Variants in DNM1L observed in about 807,000 individuals in gnomAD.
DNM1L encodes the protein dynamin-1-like protein.
A neutral mutation model predicts 92.8 loss-of-function variants in DNM1L; 33 were observed. That is an observed-to-expected ratio of 0.36 (90% CI 0.27 to 0.48). DNM1L has a LOEUF of 0.48. Among genes scored for constraint, DNM1L ranks in the 20% least tolerant of loss-of-function variants. The pLI, the probability that DNM1L is intolerant of heterozygous loss-of-function variation, is 0.99. For synonymous variants in DNM1L, 284 were observed against 305.0 expected, an observed-to-expected ratio of 0.93 and a Z score of 0.72; for missense variants, 485 against 888.8, an observed-to-expected ratio of 0.55 and a Z score of 5.78.
At chr12:32,717,172 AATAT>A (rs1163985304) in intron 6 of DNM1L, among the ~76,000 whole-genome samples, 1 of 121,286 alleles carries the variant, frequency 8.2e-6, no homozygotes, top group Admixed American at 1.1e-4. Flanking sequence ...TATACTATAA[AATAT>A]ATATAGTATA....
rs1009057427 is a variant in DNM1L, at chr12:32,731,590, T to TATAC, written c.1356+79_1356+80insATAC. ...GGTGGTTTCACTGGGTGGAAGGAAA[T>TATAC]GTATAAGATGGGATACAAGGTAAAA... On this transcript the variant is annotated intron_variant, in intron 11 of 19. Transcript: ENST00000549701. This position sits in a 1 kb window ranked among gnomAD's most constrained non-coding sequence, Gnocchi z 5.1. The TATAC allele has an allele frequency of 1.8e-4, 281 of 1,559,598 alleles. No homozygotes were observed. In the African/African-American group the frequency reaches 3.3e-3, roughly 19 times the overall value.
chr12:32,721,338 C>T (rs1953790416), intron 8 of DNM1L, among the ~76,000 whole-genome samples: 1 of 151,848 alleles, frequency 6.6e-6, no homozygotes, highest in Non-Finnish European at 1.5e-5. Flanking sequence ...TATCTTATTC[C>T]CTAAAGACTG....
rs1313999020 is a variant in DNM1L at position 32,740,160 on chromosome 12, T to C, written c.1804T>C (p.Leu602=). 2 of 1,614,160 alleles carry C rather than the reference T, an allele frequency of 1.2e-6. No homozygotes were observed. The highest frequency in any genetic ancestry group is 1.7e-6 in the Non-Finnish European group (2 of 1,180,026). Residue 602 remains leucine, a synonymous_variant, in exon 17 of 20, where the codon TTA becomes CTA. Coordinates refer to ENST00000549701, the MANE Select transcript of DNM1L (RefSeq NM_012062.5). ...MLKTSKAEEL[L]AEEKSKPIPI... ...GAAAACTTCAAAAGCTGAAGAGTTA[T>C]TAGCAGAAGAAAAATCAAAACCCAT...
intron 14 of DNM1L, 97 bp from the exon 15 acceptor site, chr12:32,737,768 G>C (rs547373603): frequency 2.2e-6 from 2 of 907,950 alleles, no homozygotes; most frequent in Admixed American, 3.7e-5. Context: ...GTTATTTTAC[G>C]ATTTCATTAC....
intron 1 of DNM1L, among the ~76,000 whole-genome samples, chr12:32,696,251 C>G (rs866317992): frequency 1.3e-5 from 2 of 152,126 alleles, no homozygotes; most frequent in South Asian, 2.1e-4. Context: ...AAAGGAAAAT[C>G]AGGGCCAGGT....
intron 1 of DNM1L, among the ~76,000 whole-genome samples, chr12:32,699,386 T>C (rs1331869526): frequency 6.6e-6 from 1 of 151,962 alleles, no homozygotes; most frequent in Admixed American, 6.6e-5. Context: ...TATAAACTAA[T>C]AAGAAATATA....
rs191667923 is a variant in DNM1L at position 32,717,703 on chromosome 12, C to T, written c.620-940C>T. Among the ~76,000 whole-genome samples, 213 of 64,584 alleles carry T rather than the reference C, an allele frequency of 3.3e-3. 38 individuals carry two copies. Among genetic ancestry groups the T allele is most frequent in the Middle Eastern group, 0.021 (1 of 48 alleles). 42.4% of individuals were successfully genotyped at this position (64,584 alleles called of 152,430 possible). ...TAGGTAGATATATATATAAAAAATA[C>T]ATATACCTAGGTAGATATATATATA... On this transcript the variant is annotated intron_variant, in intron 6 of 19. Transcript: ENST00000549701.
rs551944368 is a variant in DNM1L at position 32,687,041 on chromosome 12, A to G, written c.102+7576A>G. 6.1e-5 allele frequency among the ~76,000 whole-genome samples: 9 copies of G among 147,426 alleles called. No homozygotes were observed. In the Admixed American group the frequency reaches 6.3e-4, roughly 10 times the overall value. Reference sequence around the variant, plus strand: ...GGTGATCCGCCTGCCTTGGCCTCCCAAAGTGCTGGCATTATAGGCATGAGC... The same window carrying G: ...GGTGATCCGCCTGCCTTGGCCTCCCGAAGTGCTGGCATTATAGGCATGAGC... On this transcript the variant is annotated intron_variant, in intron 1 of 19. Transcript: ENST00000549701.
chr12:32,742,553 T>C, intron 18 of DNM1L, 36 bp from the exon 19 acceptor site: 13 of 1,613,610 alleles, frequency 8.1e-6, no homozygotes, highest in Non-Finnish European at 1.0e-5. Context: ...AAGTAGAATT[T>C]TGGCTAAAAT....
In DNM1L at chr12:32,680,091, TGCGG is replaced by T. The variant is rs1951752130; in HGVS notation, c.102+628_102+631del. On this transcript the variant is annotated intron_variant, in intron 1 of 19. Transcript: ENST00000549701. ...AAAACAAAACGTGTATCTAGAGTTC[TGCGG>T]GTGTTGGGAAGGAATATCCGATTTT... is the stretch of plus-strand genomic sequence containing the variant. 9.4e-6 allele frequency: 8 copies of T among 848,954 alleles called. No homozygotes were observed. The East Asian group carries it at 8.5e-4, about 90-fold the overall frequency. The allele number at this position is 848,954 out of a possible 1,614,324, so 52.6% of individuals were successfully genotyped here. A position where few individuals can be genotyped will look rare whatever the true frequency, so the allele number is the denominator to read the frequency against.
chr12:32,694,809 GA>G (rs1357122892), intron 1 of DNM1L, among the ~76,000 whole-genome samples: 1 of 152,166 alleles, frequency 6.6e-6, no homozygotes, highest in Admixed American at 6.6e-5. Context: ...GGAAGCAGTG[GA>G]ACTTCTGATG....
At chr12:32,710,810 A>G in intron 4 of DNM1L, 119 bp from the exon 5 acceptor site, 2 of 868,926 alleles carry the variant, frequency 2.3e-6, no homozygotes, top group Non-Finnish European at 3.5e-6. Context: ...TGTTAAAAAA[A>G]AGTTTTAGGA....
At chr12:32,720,905 T>C in intron 8 of DNM1L, 110 bp downstream of exon 8, 2 of 1,373,086 alleles carry the variant, frequency 1.5e-6, no homozygotes, top group African/African-American at 1.4e-5. Flanking sequence ...ACAGCTTCAC[T>C]TATGGTTTCT....
chr12:32,724,502 G>A (rs1953972277), intron 9 of DNM1L, among the ~76,000 whole-genome samples: 1 of 148,508 alleles, frequency 6.7e-6, no homozygotes, highest in African/African-American at 2.5e-5. Context: ...CTTGAACCCA[G>A]GTGGTGGAGG....
intron 1 of DNM1L, chr12:32,692,835 C>G (rs999441129): frequency 6.6e-6 from 1 of 152,206 alleles, no homozygotes; most frequent in African/African-American, 2.4e-5. Flanking sequence ...CACAAAGTAG[C>G]TGTAATCTGT....
At chr12:32,688,779 C>T (rs1426871860) in intron 1 of DNM1L, among the ~76,000 whole-genome samples, 1 of 152,186 alleles carries the variant, frequency 6.6e-6, no homozygotes, top group African/African-American at 2.4e-5. Context: ...ATCTGAATCT[C>T]TCTCTTAGTG....
At chr12:32,698,307 G>A (rs1952554605) in intron 1 of DNM1L, among the ~76,000 whole-genome samples, 1 of 152,130 alleles carries the variant, frequency 6.6e-6, no homozygotes, top group Admixed American at 6.6e-5. Flanking sequence ...GCAGGGAATT[G>A]GAGGAAAGAG....
At chr12:32,708,104 T>G in intron 3 of DNM1L, 49 bp from the exon 4 acceptor site, 1 of 1,172,046 alleles carries the variant, frequency 8.5e-7, no homozygotes, top group Non-Finnish European at 1.3e-6. Context: ...GCTTAAGAAC[T>G]TTTGATCTTA....
At chr12:32,716,742 GTATA>G (rs71447619) in intron 6 of DNM1L, among the ~76,000 whole-genome samples, 93 of 139,164 alleles carry the variant, frequency 6.7e-4, no homozygotes, top group East Asian at 5.0e-3. Context: ...ACTATATATA[GTATA>G]TATATATATA....
Sources: allele counts gnomAD v4.1 joint callset (sites outside exome capture counted in the v4.1 genomes callset), GRCh38; gene constraint gnomAD v4.1.1; non-coding constraint Gnocchi (gnomAD v3.1); transcripts MANE v1.5; gene names NCBI Gene and HGNC (gene_info 2026-07-23, HGNC 2026-07-21).